The following NIPSNAP3B variants were observed in gnomAD, a reference collection of about 807,000 sequenced individuals.
NIPSNAP3B encodes the protein nipsnap homolog 3B, also known as protein NipSnap homolog 3B.
NIPSNAP3B carries 30 observed loss-of-function variants against 31.5 expected under a neutral mutation model. The ratio of observed to expected loss-of-function variants is 0.95; its 90% CI spans 0.71 to 1.29. The LOEUF (loss-of-function observed/expected upper bound fraction) is 1.29. Among genes scored for constraint, NIPSNAP3B ranks in the 50% most tolerant of loss-of-function variants. NIPSNAP3B has a pLI of 0.00. For missense variants in NIPSNAP3B, 269 were observed against 300.7 expected, an observed-to-expected ratio of 0.89 and a Z score of 0.78; for synonymous variants, 106 against 107.9, an observed-to-expected ratio of 0.98 and a Z score of 0.11.
chr9:104,782,918 T>A, the NIPSNAP3B span: 1 of 152,516 alleles, frequency 6.6e-6, no homozygotes, highest in Non-Finnish European at 1.5e-5. Flanking sequence ...CAACCTATAT[T>A]TGTAAACCAG....
At chr9:104,784,012 G>T in the NIPSNAP3B span, 2 of 255,552 alleles carry the variant, frequency 7.8e-6, no homozygotes, top group Non-Finnish European at 1.5e-5. Flanking sequence ...AAAAAAAAGT[G>T]TGAGTTCAAA....
the NIPSNAP3B span, chr9:104,785,499 G>A: frequency 1.4e-6 from 2 of 1,437,444 alleles, no homozygotes; most frequent in Non-Finnish European, 1.9e-6. Context: ...TAATGAAGAT[G>A]GAAGCTGGTA....
the NIPSNAP3B span, chr9:104,787,878 C>T: frequency 6.2e-7 from 1 of 1,613,814 alleles, no homozygotes; most frequent in Non-Finnish European, 8.5e-7. Flanking sequence ...ATGTTTTCCA[C>T]TCAGGCCAGA....
At chr9:104,788,200 G>A in the NIPSNAP3B span, 1 of 1,171,274 alleles carries the variant, frequency 8.5e-7, no homozygotes, top group Non-Finnish European at 1.3e-6. Flanking sequence ...CCAAAGCAGG[G>A]AGAAGGGACT....
At chr9:104,784,746 C>A in the NIPSNAP3B span, among the ~76,000 whole-genome samples, 8 of 152,182 alleles carry the variant, frequency 5.3e-5, no homozygotes, top group Non-Finnish European at 1.0e-4. Context: ...TGGGTTCGAG[C>A]AATTCTCCTG....
chr9:104,787,652 A>T, the NIPSNAP3B span, among the ~76,000 whole-genome samples: 33 of 152,360 alleles, frequency 2.2e-4, no homozygotes, highest in South Asian at 6.8e-3. Flanking sequence ...AGAATGTTCC[A>T]GAGAAAGATC....
intron 1 of NIPSNAP3B, 82 bp downstream of exon 1, chr9:104,764,382 G>C (rs147942567): frequency 2.4e-6 from 3 of 1,241,624 alleles, no homozygotes; most frequent in East Asian, 2.7e-5. Flanking sequence ...TGCGAGCCAC[G>C]CTCAGGCGCT....
the NIPSNAP3B span, among the ~76,000 whole-genome samples, chr9:104,785,096 T>A: frequency 1.3e-5 from 2 of 152,200 alleles, no homozygotes; most frequent in African/African-American, 4.8e-5. Context: ...GGTACTTTTT[T>A]ATCTAATTTA....
In NIPSNAP3B at chr9:104,766,350, C is replaced by T; in HGVS notation, c.86C>T (p.Pro29Leu). ...PQVCSSFATG[P>L]RQYDGTFYEF... The stretch of plus-strand genomic sequence containing the variant: ...GTGTGTTCATCTTTTGCTACGGGCC[C>T]TAGACAATACGATGGAACGTTCTAT... Residue 29 changes from proline to leucine, a missense_variant, in exon 2 of 6, where the codon CCT becomes CTT. Coordinates refer to ENST00000374762, the MANE Select transcript of NIPSNAP3B (RefSeq NM_018376.4). The T allele has an allele frequency of 6.2e-7, 1 of 1,613,588 alleles. No individual in the cohort carries two copies. Among genetic ancestry groups the T allele is most frequent in the Non-Finnish European group, 8.5e-7 (1 of 1,179,614 alleles).
chr9:104,786,355 G>C, the NIPSNAP3B span: 1 of 1,614,086 alleles, frequency 6.2e-7, no homozygotes, highest in Non-Finnish European at 8.5e-7. Flanking sequence ...GACCATGATT[G>C]CCATCCTAGT....
Position 104,776,699 on chromosome 9 carries a change from C to A in NIPSNAP3B, c.*3626C>A, listed in dbSNP as rs1828345297. Among the ~76,000 whole-genome samples, 1 of 152,156 alleles carries A rather than the reference C, an allele frequency of 6.6e-6. No homozygotes were observed. The highest frequency in any genetic ancestry group is 1.5e-5 in the Non-Finnish European group (1 of 68,022). ...AGACACTATCCCTCTCCCCTGCTTTCTTTTTCTGTTATCACCATAATTAAT... is the reference window on the plus strand; with the variant it reads ...AGACACTATCCCTCTCCCCTGCTTTATTTTTCTGTTATCACCATAATTAAT... On this transcript the variant is annotated 3_prime_UTR_variant, in exon 6 of 6. Coordinates refer to ENST00000374762, the MANE Select transcript of NIPSNAP3B (RefSeq NM_018376.4).
chr9:104,765,604 C>T (rs1828073251), intron 1 of NIPSNAP3B, among the ~76,000 whole-genome samples: 2 of 152,124 alleles, frequency 1.3e-5, no homozygotes, highest in African/African-American at 2.4e-5. Context: ...ATTGAGTGCA[C>T]TAAATGTACA....
intron 2 of NIPSNAP3B, 84 bp from the exon 3 acceptor site, chr9:104,768,779 G>A (rs1430012620): frequency 5.6e-6 from 7 of 1,256,332 alleles, no homozygotes; most frequent in East Asian, 2.6e-5. Flanking sequence ...GGCCTTGCAC[G>A]TTTGCTGAAC....
At chr9:104,772,737 GA>G (rs1828251137) in intron 4 of NIPSNAP3B, 84 bp from the exon 5 acceptor site, 2 of 1,457,192 alleles carry the variant, frequency 1.4e-6, no homozygotes, top group African/African-American at 2.8e-5. Flanking sequence ...TAAAGAATAA[GA>G]CAACATTTCT....
the NIPSNAP3B span, chr9:104,785,722 G>A: frequency 6.3e-7 from 1 of 1,584,160 alleles, no homozygotes. Flanking sequence ...CCCAACTTGT[G>A]CCATGAAAAA....
Position 104,776,278 on chromosome 9 carries a change from G to A in NIPSNAP3B, c.*3205G>A, listed in dbSNP as rs959870578. On this transcript the variant is annotated 3_prime_UTR_variant, in exon 6 of 6. Transcript: ENST00000374762. ...CTCTTCCCCAGACATGCATCTGCGT[G>A]GATCATTTCCATGCCTCCTCAGGTC... Among the ~76,000 whole-genome samples, 1 of 152,122 alleles carries A rather than the reference G, an allele frequency of 6.6e-6. No individual in the cohort carries two copies. The highest frequency in any genetic ancestry group is 2.4e-5 in the African/African-American group (1 of 41,418).
At chr9:104,786,758 A>G in the NIPSNAP3B span, 409 of 985,516 alleles carry the variant, frequency 4.2e-4, 3 homozygotes, top group South Asian at 5.2e-3. Context: ...ATTTCAGGTA[A>G]TAATTGTTTT....
At chr9:104,788,475 A>G in the NIPSNAP3B span, 1 of 1,614,176 alleles carries the variant, frequency 6.2e-7, no homozygotes, top group Non-Finnish European at 8.5e-7. Context: ...AAAGAACTCC[A>G]CGTGTTCTCT....
downstream of NIPSNAP3B, among the ~76,000 whole-genome samples, chr9:104,778,444 C>T (rs913142287): frequency 6.6e-6 from 1 of 152,082 alleles, no homozygotes; most frequent in African/African-American, 2.4e-5. Flanking sequence ...TTAGGCTGGT[C>T]GCAAACGCCT....
Sources: gnomAD v4.1 joint callset for allele counts (sites outside exome capture counted in the v4.1 genomes callset) on GRCh38, gnomAD v4.1.1 for gene constraint, MANE v1.5 for transcripts, NCBI Gene and HGNC (gene_info 2026-07-23, HGNC 2026-07-21) for gene names.